GREB1: variants seen among roughly 807,000 people sequenced by gnomAD.
GREB1 encodes the protein protein GREB1.
Under a neutral mutation model 200.7 loss-of-function variants are expected in GREB1, and 106 were observed. The ratio of observed to expected loss-of-function variants is 0.53; its 90% CI spans 0.45 to 0.62. The LOEUF is 0.62. Ranked by LOEUF, GREB1 falls within the 20% of genes least tolerant of loss-of-function variation. The probability of loss-of-function intolerance (pLI) is 0.00; values close to 1 mark genes in which losing one functional copy is unlikely to be tolerated. For missense variants in GREB1, 2,243 were observed against 2,556.8 expected (o/e 0.88, Z 2.65); for synonymous variants, 1,132 against 1,092.4 (o/e 1.04, Z -0.72).
At position 11,600,884 on chromosome 2, in the gene GREB1, G is replaced by A. The variant is rs1405787074; in HGVS notation, c.2418G>A (p.Glu806=). The A allele has an allele frequency of 1.2e-6, 2 of 1,614,110 alleles. No homozygotes were observed. Among genetic ancestry groups the A allele is most frequent in the Admixed American group, 1.7e-5 (1 of 60,022 alleles). The change falls in exon 16 of 33, where the codon GAG becomes GAA. Residue 806 remains glutamate (E), a synonymous_variant. Coordinates refer to ENST00000381486, the MANE Select transcript of GREB1 (RefSeq NM_014668.4). ...TGCTCAACTGCAGGGAGGTGAAGGA[G>A]GCCCCCAACATTGTGACACTTCACG... is the stretch of plus-strand genomic sequence containing the variant. ...DRLLNCREVK[E]APNIVTLHVT... is the part of the protein sequence containing the mutation.
Position 11,630,119 on chromosome 2 carries a change from C to CGTG in GREB1, c.4611+10_4611+11insGTG. 1 of 1,613,914 alleles carries CGTG rather than the reference C, an allele frequency of 6.2e-7. No homozygotes were observed. The highest frequency in any genetic ancestry group is 2.2e-5 in the East Asian group (1 of 44,878). ...CCTCGTGACAGACAAGGTACTGGCT[C>CGTG]AGAGACCTAGTGGGACAGATCCAAG... On this transcript the variant is annotated intron_variant, in intron 26 of 32. Coordinates refer to ENST00000381486, the MANE Select transcript of GREB1 (RefSeq NM_014668.4).
In GREB1 at chr2:11,640,145, G is replaced by A. The variant is rs1261208755; in HGVS notation, c.5687-146G>A. On this transcript the variant is annotated intron_variant, in intron 32 of 32. Coordinates refer to ENST00000381486, the MANE Select transcript of GREB1 (RefSeq NM_014668.4). The surrounding 1 kb of genome is among the most constrained non-coding windows in gnomAD (Gnocchi z 4.6). ...TCTCGCTAAGATTGTACATCATCCC[G>A]AAAGAAGCAAGGGGCCGACTTGGAT... is the stretch of plus-strand genomic sequence containing the variant. 3 of 687,024 alleles carry A rather than the reference G, an allele frequency of 4.4e-6. No homozygotes were observed. The highest frequency in any genetic ancestry group is 2.9e-5 in the Admixed American group (1 of 34,038). 42.6% of individuals were successfully genotyped at this position (687,024 alleles called of 1,614,324 possible). A position where few individuals can be genotyped will look rare whatever the true frequency, so the allele number is the denominator to read the frequency against.
At chr2:11,623,531 T>C (rs1468313812) in intron 23 of GREB1, among the ~76,000 whole-genome samples, 1 of 152,164 alleles carries the variant, frequency 6.6e-6, no homozygotes, top group Non-Finnish European at 1.5e-5. Context: ...GACAGTGATA[T>C]TGATGATCCT....
At chr2:11,636,252 G>T (rs551764354) in intron 30 of GREB1, among the ~76,000 whole-genome samples, 5 of 152,218 alleles carry the variant, frequency 3.3e-5, no homozygotes, top group African/African-American at 1.2e-4. Flanking sequence ...ATTGTGTGAG[G>T]TTTGTTGTTT....
At position 11,635,300 on chromosome 2, in the gene GREB1, G is replaced by T; in HGVS notation, c.5241G>T (p.Leu1747=). The part of the protein sequence containing the change: ...RFLCDDVDFN[L]RVHSAGLLLC... The stretch of plus-strand genomic sequence containing the variant: ...TGTGTGACGATGTAGACTTCAACCT[G>T]CGGGTGCACAGCGCCGGCCTCCTGC... Residue 1747 remains leucine, a synonymous_variant, in exon 30 of 33, where the codon CTG becomes CTT. Coordinates refer to ENST00000381486, the MANE Select transcript of GREB1 (RefSeq NM_014668.4). 1 of 1,614,168 alleles carries T rather than the reference G, an allele frequency of 6.2e-7. No individual in the cohort carries two copies.
At chr2:11,626,137 C>G (rs997369688) in intron 24 of GREB1, among the ~76,000 whole-genome samples, 2 of 152,136 alleles carry the variant, frequency 1.3e-5, no homozygotes, top group African/African-American at 4.8e-5. Context: ...GGTGGGGACA[C>G]AGACAAACCA....
chr2:11,597,289 C>T lies in GREB1; in HGVS notation c.1955-492C>T, dbSNP rs1681359420. Among the ~76,000 whole-genome samples the T allele has an allele frequency of 6.6e-6, 1 of 152,160 alleles. No homozygotes were observed. The highest frequency in any genetic ancestry group is 2.4e-5 in the African/African-American group (1 of 41,414). On this transcript the variant is annotated intron_variant, in intron 13 of 32. Transcript: ENST00000381486. The surrounding 1 kb of genome is among the most constrained non-coding windows in gnomAD (Gnocchi z 4.1). The stretch of plus-strand genomic sequence containing the variant: ...ATTCAGTCTTTAATTATGACAATCT[C>T]ATTTAATCTTGAATTGCACATCCAT...
intron 4 of GREB1, among the ~76,000 whole-genome samples, chr2:11,570,302 G>A (rs1200733953): frequency 2.0e-5 from 3 of 151,720 alleles, no homozygotes; most frequent in Non-Finnish European, 2.9e-5. Context: ...CCAGCTACTC[G>A]GGAGGCTGAG....
At chr2:11,552,783 G>T (rs528196244) in intron 1 of GREB1, among the ~76,000 whole-genome samples, 3 of 151,724 alleles carry the variant, frequency 2.0e-5, no homozygotes, top group Non-Finnish European at 4.4e-5. Context: ...AGGCCGAGGC[G>T]GGCGGATCAC....
At chr2:11,541,569 G>C (rs116766284) in intron 1 of GREB1, among the ~76,000 whole-genome samples, 1 of 152,122 alleles carries the variant, frequency 6.6e-6, no homozygotes, top group Non-Finnish European at 1.5e-5. Flanking sequence ...TCCAAAGCCC[G>C]AGGTCAGCTA....
chr2:11,498,097 AAAACATTTTAATTTTTAT>A (rs1672936987), intron 1 of GREB1, among the ~76,000 whole-genome samples: 1 of 148,948 alleles, frequency 6.7e-6, no homozygotes, highest in African/African-American at 2.5e-5. Flanking sequence ...CTGGCAGAGC[AAAACATTTTAATTTTTAT>A]GAAGTCCAAT....
At chr2:11,534,733 T>G (rs536294445) in intron 1 of GREB1, among the ~76,000 whole-genome samples, 46 of 152,330 alleles carry the variant, frequency 3.0e-4, no homozygotes, top group African/African-American at 1.1e-3. Context: ...GATGTGTGCT[T>G]CTTCTTCACA....
chr2:11,596,595 C>T (rs983844479), intron 13 of GREB1, among the ~76,000 whole-genome samples: 12 of 15,440 alleles, frequency 7.8e-4, no homozygotes, highest in Admixed American at 6.0e-3. Context: ...TGTACAGTGA[C>T]GGGGGTGGGG....
chr2:11,501,894 T>C (rs1312423047), intron 1 of GREB1, among the ~76,000 whole-genome samples: 1 of 67,478 alleles, frequency 1.5e-5, no homozygotes, highest in South Asian at 6.7e-4. Flanking sequence ...CTGGATTTCC[T>C]GTTTTTTTTT....
intron 10 of GREB1, chr2:11,591,963 C>T: frequency 6.1e-6 from 6 of 975,774 alleles, no homozygotes; most frequent in Non-Finnish European, 7.3e-6. Context: ...TTTGTAAGGA[C>T]AGTTTTAATA....
intron 10 of GREB1, among the ~76,000 whole-genome samples, chr2:11,589,957 G>T (rs1236196315): frequency 6.6e-6 from 1 of 152,146 alleles, no homozygotes; most frequent in African/African-American, 2.4e-5. Flanking sequence ...TTGAGTCCCA[G>T]GAGAGGTGGA....
At chr2:11,626,846 C>A in intron 24 of GREB1, 116 bp from the exon 25 acceptor site, 1 of 1,082,098 alleles carries the variant, frequency 9.2e-7, no homozygotes. Context: ...TCCTCCCCAA[C>A]CAGACAGAAT....
Position 11,595,281 on chromosome 2 carries a change from G to A in GREB1, c.1727G>A (p.Ser576Asn), listed in dbSNP as rs372686737. ...GKYQARILSE[S>N]LLTPAEYQKE... ...TACCAAGCCCGGATTCTTTCCGAGA[G>A]CCTTCTCACTCCTGCGGAGTACCAG... The change falls in exon 12 of 33, where the codon AGC (serine) becomes AAC (asparagine). Residue 576 changes from serine (S) to asparagine (N), a missense_variant. This residue lies in a region of GREB1 where 1,178 missense variants were observed against 1,387.4 expected (regional missense o/e 0.85). Coordinates refer to ENST00000381486, the MANE Select transcript of GREB1 (RefSeq NM_014668.4). 50 of 1,613,590 alleles carry A rather than the reference G, an allele frequency of 3.1e-5. No individual in the cohort carries two copies. The highest frequency in any genetic ancestry group is 3.9e-5 in the Non-Finnish European group (46 of 1,179,680).
chr2:11,572,690 T>G (rs1678436449), intron 4 of GREB1, among the ~76,000 whole-genome samples: 1 of 151,556 alleles, frequency 6.6e-6, no homozygotes, highest in Non-Finnish European at 1.5e-5. Context: ...CTAATACACT[T>G]AGTCCAGGGT....
Sources: allele counts gnomAD v4.1 joint callset (sites outside exome capture counted in the v4.1 genomes callset), GRCh38; gene constraint gnomAD v4.1.1; regional missense constraint gnomAD v4.1.1; non-coding constraint Gnocchi (gnomAD v3.1); transcripts MANE v1.5; gene names NCBI Gene and HGNC (gene_info 2026-07-23, HGNC 2026-07-21).